The following FAM193B variants were observed in gnomAD, a reference collection of about 807,000 sequenced individuals.
FAM193B encodes family with sequence similarity 193 member B.
FAM193B carries 27 observed loss-of-function variants against 70.7 expected under a neutral mutation model. The observed-to-expected ratio is 0.38, with a 90% CI of 0.28 to 0.53. The LOEUF (loss-of-function observed/expected upper bound fraction) is 0.53. Among genes scored for constraint, FAM193B ranks in the 20% least tolerant of loss-of-function variants. FAM193B has a pLI of 0.81. For missense variants in FAM193B, 1,022 were observed against 1,072.5 expected (o/e 0.95, Z 0.66); for synonymous variants, 448 against 436.0 (o/e 1.03, Z -0.34).
intron 3 of FAM193B, among the ~76,000 whole-genome samples, chr5:177,537,321 A>C (rs1581898950): frequency 6.6e-6 from 1 of 152,368 alleles, no homozygotes; most frequent in Non-Finnish European, 1.5e-5. Flanking sequence ...ACAGTAAATC[A>C]TATTTACATA....
intron 6 of FAM193B, 72 bp downstream of exon 6, chr5:177,524,113 A>G (rs922915177): frequency 6.2e-7 from 1 of 1,609,952 alleles, no homozygotes; most frequent in Admixed American, 1.7e-5. Flanking sequence ...CTGTCTACAC[A>G]CAAAGGCTGC....
At position 177,525,071 on chromosome 5, in the gene FAM193B, G is replaced by A. The variant is rs767299695; in HGVS notation, c.1410C>T (p.Phe470=). The A allele has an allele frequency of 7.4e-5, 119 of 1,599,008 alleles. 1 individual carries two copies. In the Admixed American group the frequency reaches 2.0e-3, roughly 27 times the overall value. The change falls in exon 6 of 9, where the codon TTC becomes TTT. Residue 470 remains phenylalanine, a synonymous_variant. Coordinates refer to ENST00000514747, the MANE Select transcript of FAM193B (RefSeq NM_001190946.3). ...PDRELDRVNS[F]LSSRLQEIKN... is the part of the protein sequence containing the mutation. ...TGATCTCCTGCAGACGGCTGCTCAG[G>A]AAGCTGTTGACCCGATCCAGTTCCC... is the stretch of plus-strand genomic sequence containing the variant.
intron 4 of FAM193B, among the ~76,000 whole-genome samples, chr5:177,533,467 G>C (rs561526100): frequency 3.6e-4 from 55 of 152,178 alleles, no homozygotes; most frequent in African/African-American, 1.3e-3. Flanking sequence ...ACCACGCCCG[G>C]CTAATTTTCT....
intron 1 of FAM193B, among the ~76,000 whole-genome samples, chr5:177,547,535 C>T (rs911139523): frequency 4.6e-5 from 7 of 151,736 alleles, no homozygotes; most frequent in Admixed American, 1.3e-4. Flanking sequence ...CCTCCCGTCT[C>T]GGCCTCCCAA....
At chr5:177,553,461 G>T in intron 1 of FAM193B, 1 of 1,104,348 alleles carries the variant, frequency 9.1e-7, no homozygotes, top group South Asian at 2.1e-5. Flanking sequence ...CGTGGCCCAT[G>T]TCACCCCCGC....
chr5:177,542,979 C>T (rs1196668041), intron 1 of FAM193B, among the ~76,000 whole-genome samples: 1 of 152,172 alleles, frequency 6.6e-6, no homozygotes, highest in Non-Finnish European at 1.5e-5. Flanking sequence ...AGCCGGCAGG[C>T]AGTCCAATGA....
rs1448184505 is a variant in FAM193B, at chr5:177,532,728, G to A, written c.1077-87C>T. 22 of 1,287,206 alleles carry A rather than the reference G, an allele frequency of 1.7e-5. No homozygotes were observed. Among genetic ancestry groups the A allele is most frequent in the East Asian group, 5.4e-5 (2 of 36,928 alleles). 79.7% of individuals were successfully genotyped at this position (1,287,206 alleles called of 1,614,324 possible). On this transcript the variant is annotated intron_variant, in intron 4 of 8. Transcript: ENST00000514747. This position sits in a 1 kb window ranked among gnomAD's most constrained non-coding sequence, Gnocchi z 4.9. ...CCAACCACCACCTGCCATCCTGACC[G>A]CCCTTCACTTGCCCCACTCCACAGA... is the stretch of plus-strand genomic sequence containing the variant.
chr5:177,545,102 G>A (rs1289783404), intron 1 of FAM193B, among the ~76,000 whole-genome samples: 1 of 152,100 alleles, frequency 6.6e-6, no homozygotes, highest in African/African-American at 2.4e-5. Context: ...GGAGTGCAGT[G>A]GCATGATCTC....
intron 1 of FAM193B, among the ~76,000 whole-genome samples, chr5:177,544,653 T>C (rs1288932926): frequency 6.6e-6 from 1 of 152,232 alleles, no homozygotes; most frequent in Non-Finnish European, 1.5e-5. Context: ...TCTGATGAAA[T>C]TGGTGGTGAT....
At chr5:177,553,926 G>A in intron 1 of FAM193B, 2 of 1,225,172 alleles carry the variant, frequency 1.6e-6, no homozygotes, top group African/African-American at 3.1e-5. Context: ...GTGGCGGGCC[G>A]AGAGCGGAGC....
intron 5 of FAM193B, chr5:177,531,229 G>A: frequency 8.2e-7 from 1 of 1,218,594 alleles, no homozygotes; most frequent in Non-Finnish European, 1.1e-6. Flanking sequence ...GGGGGTTGGG[G>A]CGAGGGTCCT....
rs757086634 is a variant in FAM193B at position 177,532,657 on chromosome 5, A to G, written c.1077-16T>C. 1.3e-6 allele frequency: 2 copies of G among 1,523,702 alleles called. No individual in the cohort carries two copies. The highest frequency in any genetic ancestry group is 8.7e-7 in the Non-Finnish European group (1 of 1,144,438). 94.4% of individuals were successfully genotyped at this position (1,523,702 alleles called of 1,614,324 possible). A position where few individuals can be genotyped will look rare whatever the true frequency, so the allele number is the denominator to read the frequency against. ...CCCGGGATCCCTGATGATGGGGAGG[A>G]AGGCCCAGAGGTGAGGCAGGGTGAT... On this transcript the variant is annotated splice_polypyrimidine_tract_variant and intron_variant, in intron 4 of 8. Transcript: ENST00000514747. This position sits in a 1 kb window ranked among gnomAD's most constrained non-coding sequence, Gnocchi z 4.9.
chr5:177,533,009 G>A (rs2127464918), intron 4 of FAM193B, among the ~76,000 whole-genome samples: 2 of 152,320 alleles, frequency 1.3e-5, no homozygotes, highest in South Asian at 4.1e-4. Flanking sequence ...TCAAGGGCAG[G>A]GGCTGTGTTG....
intron 7 of FAM193B, chr5:177,523,296 G>C (rs1762058632): frequency 3.3e-6 from 1 of 306,112 alleles, no homozygotes; most frequent in Non-Finnish European, 6.9e-6. Context: ...CACCGCGCTT[G>C]GCCAAAAATA....
rs1301257602 is a variant in FAM193B, at chr5:177,532,802, A to G, written c.1077-161T>C. Among the ~76,000 whole-genome samples, 1 of 152,196 alleles carries G rather than the reference A, an allele frequency of 6.6e-6. No homozygotes were observed. The highest frequency in any genetic ancestry group is 2.4e-5 in the African/African-American group (1 of 41,456). On this transcript the variant is annotated intron_variant, in intron 4 of 8. Coordinates refer to ENST00000514747, the MANE Select transcript of FAM193B (RefSeq NM_001190946.3). The surrounding 1 kb of genome is among the most constrained non-coding windows in gnomAD (Gnocchi z 4.9). The stretch of plus-strand genomic sequence containing the variant: ...TGCACCTCTCACCTGAACAGGGCGA[A>G]CACCTGCACTGTCCCTCAAGGCCCA...
At chr5:177,521,029 G>A (rs1408808335) in intron 8 of FAM193B, among the ~76,000 whole-genome samples, 1 of 152,158 alleles carries the variant, frequency 6.6e-6, no homozygotes, top group Admixed American at 6.5e-5. Flanking sequence ...AGAGGAGCTG[G>A]CCTGGCACTG....
chr5:177,554,515 G>GCCGCCGCCGCCA lies in FAM193B; in HGVS notation c.-58_-57insTGGCGGCGGCGG. 1 of 907,484 alleles carries GCCGCCGCCGCCA rather than the reference G, an allele frequency of 1.1e-6. No individual in the cohort carries two copies. The highest frequency in any genetic ancestry group is 5.0e-5 in the South Asian group (1 of 19,970). The allele number at this position is 907,484 out of a possible 1,614,324, so 56.2% of individuals were successfully genotyped here. ...CGCCGCCGCCGCCGCCGCCGCCGCC[G>GCCGCCGCCGCCA]CCGCCGCCGCCGCCGCTACCGCTCC... On this transcript the variant is annotated 5_prime_UTR_variant, in exon 1 of 9. Transcript: ENST00000514747.
At position 177,538,640 on chromosome 5, in the gene FAM193B, G is replaced by T. The variant is rs1429888010; in HGVS notation, c.453+265C>A. On this transcript the variant is annotated intron_variant, in intron 2 of 8. Coordinates refer to ENST00000514747, the MANE Select transcript of FAM193B (RefSeq NM_001190946.3). This position sits in a 1 kb window ranked among gnomAD's most constrained non-coding sequence, Gnocchi z 4.1. Reference sequence around the variant, plus strand: ...GCTGCCACAGAGCCGAAGGCAGCAGGCTCGTGATCTACCAGTACCTATGAG... The same window carrying T: ...GCTGCCACAGAGCCGAAGGCAGCAGTCTCGTGATCTACCAGTACCTATGAG... Among the ~76,000 whole-genome samples the T allele has an allele frequency of 2.0e-5, 3 of 152,326 alleles. No individual in the cohort carries two copies. In the East Asian group the frequency reaches 5.8e-4, roughly 29 times the overall value.
rs1445191061 is a variant in FAM193B at position 177,537,863 on chromosome 5, G to A, written c.688+10C>T. On this transcript the variant is annotated intron_variant, in intron 3 of 8. Transcript: ENST00000514747. ...TAGGGCCTGGCTCTCTCCCGAGCCTGGAGACTCACCGGGGATGGTAGGAGG... is the reference window on the plus strand; with the variant it reads ...TAGGGCCTGGCTCTCTCCCGAGCCTAGAGACTCACCGGGGATGGTAGGAGG... The A allele has an allele frequency of 1.2e-6, 2 of 1,603,924 alleles. No homozygotes were observed. The highest frequency in any genetic ancestry group is 1.7e-5 in the Admixed American group (1 of 59,274).
Sources: gnomAD v4.1 joint callset for allele counts (sites outside exome capture counted in the v4.1 genomes callset) on GRCh38, gnomAD v4.1.1 for gene constraint, Gnocchi (gnomAD v3.1) non-coding constraint, MANE v1.5 for transcripts, NCBI Gene and HGNC (gene_info 2026-07-23, HGNC 2026-07-21) for gene names.